Variants in CDH18 observed in about 807,000 individuals in gnomAD.
CDH18 encodes the protein cadherin 18.
Under a neutral mutation model 67.9 loss-of-function variants are expected in CDH18, and 31 were observed. The observed-to-expected ratio is 0.46, with a 90% CI of 0.34 to 0.62. The LOEUF (loss-of-function observed/expected upper bound fraction) is 0.62, where lower values mean the gene tolerates loss of function less well. Ranked by LOEUF, CDH18 falls within the 20% of genes least tolerant of loss-of-function variation. The pLI is 0.01. For synonymous variants in CDH18, 362 were observed against 347.2 expected (o/e 1.04, Z -0.48); for missense variants, 890 against 975.5 (o/e 0.91, Z 1.17).
At position 19,839,239 on chromosome 5, in the gene CDH18, C is replaced by T. The variant is rs954161472; in HGVS notation, c.-253G>A. On this transcript the variant is annotated 5_prime_UTR_variant, in exon 3 of 13. Coordinates refer to ENST00000382275, the MANE Select transcript of CDH18 (RefSeq NM_004934.5). ...GTAGTTGAACACAAGCAACCATTTT[C>T]AACCTAATGGAAAGAGAAAATTATA... 1 of 444,072 alleles carries T rather than the reference C, an allele frequency of 2.3e-6. No individual in the cohort carries two copies. The highest frequency in any genetic ancestry group is 3.8e-5 in the Admixed American group (1 of 26,392). 27.5% of individuals were successfully genotyped at this position (444,072 alleles called of 1,614,324 possible).
At chr5:20,132,011 C>A (rs951756126) in intron 2 of CDH18, among the ~76,000 whole-genome samples, 28 of 152,140 alleles carry the variant, frequency 1.8e-4, no homozygotes, top group Middle Eastern at 3.4e-3. Flanking sequence ...CCTCAGCTTC[C>A]CAAGTAGCTG....
In CDH18 at chr5:20,505,334, G is replaced by A. The variant is rs561680762; in HGVS notation, c.-580+70128C>T. ...GAATATTTATGAAAAAGTTAGAAAG[G>A]ACAGTATAGTGTTCAATTTAACATT... is the stretch of plus-strand genomic sequence containing the variant. On this transcript the variant is annotated intron_variant, in intron 1 of 14. Coordinates refer to the CDH18 transcript ENST00000507958. Among the ~76,000 whole-genome samples the A allele has an allele frequency of 6.3e-4, 96 of 152,186 alleles. No individual in the cohort carries two copies. The South Asian group carries it at 9.7e-3, about 15-fold the overall frequency.
intron 1 of CDH18, among the ~76,000 whole-genome samples, chr5:20,293,452 A>T (rs1747255807): frequency 6.6e-6 from 1 of 151,982 alleles, no homozygotes; most frequent in Non-Finnish European, 1.5e-5. Flanking sequence ...AGTGCTGAAT[A>T]AAAAAAGAAA....
chr5:19,489,355 C>T (rs1312839125), intron 11 of CDH18, among the ~76,000 whole-genome samples: 1 of 150,044 alleles, frequency 6.7e-6, no homozygotes, highest in Non-Finnish European at 1.5e-5. Flanking sequence ...TCAAGCGATT[C>T]TCCTGCCTCA....
intron 9 of CDH18, among the ~76,000 whole-genome samples, chr5:19,524,918 T>G (rs1459429456): frequency 6.6e-6 from 1 of 152,090 alleles, no homozygotes; most frequent in Non-Finnish European, 1.5e-5. Context: ...GCTAATTTAT[T>G]GTGTTTTTAG....
chr5:19,976,498 G>C (rs908343748), intron 2 of CDH18, among the ~76,000 whole-genome samples: 3 of 152,100 alleles, frequency 2.0e-5, no homozygotes, highest in African/African-American at 7.2e-5. Context: ...GTCAACTGCA[G>C]TATTTCAGGG....
intron 2 of CDH18, among the ~76,000 whole-genome samples, chr5:20,250,804 C>G (rs1325678317): frequency 1.3e-5 from 2 of 151,780 alleles, no homozygotes; most frequent in Non-Finnish European, 2.9e-5. Context: ...CAGGGTTTTA[C>G]CATGTTGACC....
At chr5:19,475,852 G>A (rs1738373132) in intron 12 of CDH18, among the ~76,000 whole-genome samples, 1 of 152,104 alleles carries the variant, frequency 6.6e-6, no homozygotes, top group South Asian at 2.1e-4. Flanking sequence ...CTCTGATAAA[G>A]AACATACTTT....
chr5:20,328,508 T>TGTGAGAGAGAGAGAGAGA (rs1491143591), intron 1 of CDH18, among the ~76,000 whole-genome samples: 1 of 112,012 alleles, frequency 8.9e-6, no homozygotes, highest in African/African-American at 2.9e-5. Context: ...TGTGTGTGTG[T>TGTGAGAGAGAGAGAGAGA]GAGAGAGAGA....
At chr5:19,595,753 T>A (rs1561431449) in intron 6 of CDH18, among the ~76,000 whole-genome samples, 1 of 152,238 alleles carries the variant, frequency 6.6e-6, no homozygotes, top group Non-Finnish European at 1.5e-5. Flanking sequence ...TCAACAAATA[T>A]TTTTCTCAGC....
At chr5:19,476,129 T>G (rs893230087) in intron 12 of CDH18, among the ~76,000 whole-genome samples, 1 of 151,754 alleles carries the variant, frequency 6.6e-6, no homozygotes, top group Non-Finnish European at 1.5e-5. Context: ...GAAAGGCAAA[T>G]GGGAGACTAT....
intron 2 of CDH18, among the ~76,000 whole-genome samples, chr5:20,211,181 G>A (rs946961286): frequency 5.3e-5 from 8 of 152,124 alleles, no homozygotes; most frequent in African/African-American, 1.9e-4. Flanking sequence ...TTGAAATGAA[G>A]CTTCTACCAC....
At chr5:20,206,015 C>T (rs1739855014) in intron 2 of CDH18, among the ~76,000 whole-genome samples, 1 of 151,564 alleles carries the variant, frequency 6.6e-6, no homozygotes, top group African/African-American at 2.4e-5. Flanking sequence ...AGATAAATAA[C>T]ATTGAGATTA....
At chr5:20,401,760 T>G (rs1161686150) in intron 1 of CDH18, among the ~76,000 whole-genome samples, 1 of 152,218 alleles carries the variant, frequency 6.6e-6, no homozygotes, top group Non-Finnish European at 1.5e-5. Flanking sequence ...TAGACCAAAT[T>G]ATCATCATTC....
At chr5:20,418,850 C>A (rs934841819) in intron 1 of CDH18, among the ~76,000 whole-genome samples, 1 of 151,914 alleles carries the variant, frequency 6.6e-6, no homozygotes, top group Non-Finnish European at 1.5e-5. Context: ...GGAGGTGGGG[C>A]CTTTGGGAGA....
chr5:20,292,410 G>A (rs929905037), intron 1 of CDH18, among the ~76,000 whole-genome samples: 40 of 152,194 alleles, frequency 2.6e-4, no homozygotes, highest in African/African-American at 9.4e-4. Flanking sequence ...TGATAGCTGA[G>A]TGTCCAGAAT....
intron 1 of CDH18, among the ~76,000 whole-genome samples, chr5:20,565,419 T>C (rs1758444962): frequency 6.6e-6 from 1 of 152,104 alleles, no homozygotes; most frequent in East Asian, 1.9e-4. Context: ...AAGTGCAAAA[T>C]CTTAGCTGTG....
chr5:20,115,268 A>ATTTT (rs1202226544), intron 2 of CDH18, among the ~76,000 whole-genome samples: 8 of 42,650 alleles, frequency 1.9e-4, no homozygotes, highest in Non-Finnish European at 3.9e-4. Context: ...TCAGGGCCTC[A>ATTTT]TCTTTTTTTT....
intron 2 of CDH18, among the ~76,000 whole-genome samples, chr5:19,859,989 G>GGTGTGTGTGTGTGTGTGTGTGTGTGT (rs3065070): frequency 7.0e-6 from 1 of 143,148 alleles, no homozygotes; most frequent in Non-Finnish European, 1.5e-5. Context: ...GTTTGCTTTG[G>GGTGTGTGTGTGTGTGTGTGTGTGTGT]GTGTGTGTGT....
Sources: allele counts gnomAD v4.1 joint callset (sites outside exome capture counted in the v4.1 genomes callset), GRCh38; gene constraint gnomAD v4.1.1; transcripts MANE v1.5; gene names NCBI Gene and HGNC (gene_info 2026-07-23, HGNC 2026-07-21).